Variants in GABRG3 observed in about 807,000 individuals in gnomAD.
The protein encoded by GABRG3 is gamma-aminobutyric acid receptor subunit gamma-3.
Under a neutral mutation model 48.8 loss-of-function variants are expected in GABRG3, and 25 were observed. The ratio of observed to expected loss-of-function variants is 0.51; its 90% CI spans 0.37 to 0.72. The LOEUF (loss-of-function observed/expected upper bound fraction) is 0.72, where lower values mean the gene tolerates loss of function less well. Among genes scored for constraint, GABRG3 ranks in the 30% least tolerant of loss-of-function variants. The probability of loss-of-function intolerance (pLI) is 0.00; values close to 1 mark genes in which losing one functional copy is unlikely to be tolerated. For missense variants in GABRG3, 394 were observed against 577.9 expected (o/e 0.68, Z 3.26); for synonymous variants, 227 against 217.6 (o/e 1.04, Z -0.38).
intron 2 of GABRG3, among the ~76,000 whole-genome samples, chr15:26,983,638 G>A (rs1004881375): frequency 6.6e-6 from 1 of 152,074 alleles, no homozygotes; most frequent in Admixed American, 6.6e-5. Context: ...GTCAGGTGTG[G>A]TGGCACATGC....
In GABRG3 at chr15:27,457,812, G is replaced by C. The variant is rs1338470855; in HGVS notation, c.575-22838G>C. Among the ~76,000 whole-genome samples, 1 of 152,194 alleles carries C rather than the reference G, an allele frequency of 6.6e-6. No individual in the cohort carries two copies. Among genetic ancestry groups the C allele is most frequent in the Non-Finnish European group, 1.5e-5 (1 of 68,042 alleles). ...GGGCTCTAAAGGACAGAATGTATTTGTCAAAGCACCTGTGCAGTGACTCCC... is the reference window on the plus strand; with the variant it reads ...GGGCTCTAAAGGACAGAATGTATTTCTCAAAGCACCTGTGCAGTGACTCCC... On this transcript the variant is annotated intron_variant, in intron 5 of 9. Transcript: ENST00000615808. The surrounding 1 kb of genome is among the most constrained non-coding windows in gnomAD (Gnocchi z 4.4).
At chr15:27,037,638 A>G (rs1896202199) in intron 3 of GABRG3, among the ~76,000 whole-genome samples, 1 of 152,168 alleles carries the variant, frequency 6.6e-6, no homozygotes, top group East Asian at 1.9e-4. Context: ...AGGAAAAGGA[A>G]GGTGCTTATT....
chr15:27,314,834 ATGAGT>A (rs1893156997), intron 3 of GABRG3, among the ~76,000 whole-genome samples: 1 of 152,218 alleles, frequency 6.6e-6, no homozygotes, highest in Non-Finnish European at 1.5e-5. Flanking sequence ...TTCCACTTAT[ATGAGT>A]TATTTAAAAT....
At chr15:27,022,607 T>C (rs1895915905) in intron 2 of GABRG3, among the ~76,000 whole-genome samples, 1 of 152,216 alleles carries the variant, frequency 6.6e-6, no homozygotes, top group Non-Finnish European at 1.5e-5. Flanking sequence ...CTTTTGACCA[T>C]GACAGGATTC....
chr15:27,174,893 A>G (rs1887697550), intron 3 of GABRG3, among the ~76,000 whole-genome samples: 2 of 152,158 alleles, frequency 1.3e-5, no homozygotes, highest in Non-Finnish European at 2.9e-5. Context: ...GGGGAATGGC[A>G]TTTAGAAAAT....
chr15:27,531,437 T>G (rs551875185), intron 9 of GABRG3, among the ~76,000 whole-genome samples: 1 of 152,286 alleles, frequency 6.6e-6, no homozygotes, highest in South Asian at 2.1e-4. Flanking sequence ...TGGATGAAAG[T>G]ATAAGAGGTT....
At chr15:27,314,633 G>A (rs1893149491) in intron 3 of GABRG3, among the ~76,000 whole-genome samples, 1 of 152,152 alleles carries the variant, frequency 6.6e-6, no homozygotes, top group Admixed American at 6.5e-5. Context: ...TGCACCAGTA[G>A]GAATAACCAA....
chr15:27,255,398 T>C (rs1890582289), intron 3 of GABRG3, among the ~76,000 whole-genome samples: 1 of 152,188 alleles, frequency 6.6e-6, no homozygotes, highest in Non-Finnish European at 1.5e-5. Flanking sequence ...GCCAATTCTA[T>C]AGGACCCAGA....
At chr15:27,030,090 A>G (rs1896057165) in intron 3 of GABRG3, among the ~76,000 whole-genome samples, 1 of 152,218 alleles carries the variant, frequency 6.6e-6, no homozygotes, top group Non-Finnish European at 1.5e-5. Context: ...ATAAAAAAGG[A>G]TATAAGAAAG....
At chr15:27,404,613 T>C (rs553362665) in intron 5 of GABRG3, among the ~76,000 whole-genome samples, 151 of 152,320 alleles carry the variant, frequency 9.9e-4, no homozygotes, top group Non-Finnish European at 1.9e-3. Flanking sequence ...ACAAAAATGA[T>C]GCTGACACAG....
intron 5 of GABRG3, among the ~76,000 whole-genome samples, chr15:27,367,038 C>T (rs1012590693): frequency 2.7e-4 from 41 of 152,256 alleles, no homozygotes; most frequent in African/African-American, 9.9e-4. Flanking sequence ...CCAAGGAGGC[C>T]CCAGTGTGTC....
At chr15:27,487,162 G>A (rs1022194647) in intron 6 of GABRG3, among the ~76,000 whole-genome samples, 3 of 152,170 alleles carry the variant, frequency 2.0e-5, no homozygotes, top group Non-Finnish European at 4.4e-5. Flanking sequence ...TAATTCAGAC[G>A]GGAAATGCAG....
At chr15:27,353,568 C>T (rs889982998) in intron 5 of GABRG3, among the ~76,000 whole-genome samples, 3 of 151,926 alleles carry the variant, frequency 2.0e-5, no homozygotes, top group East Asian at 1.9e-4. Context: ...CTCAGCCTCC[C>T]GAGTAGCTGA....
At chr15:27,091,827 T>C (rs1051066191) in intron 3 of GABRG3, among the ~76,000 whole-genome samples, 1 of 152,240 alleles carries the variant, frequency 6.6e-6, no homozygotes, top group Non-Finnish European at 1.5e-5. Flanking sequence ...GCTGCTGTAC[T>C]GCATCGTGGG....
intron 3 of GABRG3, among the ~76,000 whole-genome samples, chr15:27,063,269 G>A (rs534397381): frequency 6.6e-6 from 1 of 152,220 alleles, no homozygotes; most frequent in African/African-American, 2.4e-5. Flanking sequence ...ACGTTTTCAG[G>A]TGGAGATCCA....
At chr15:27,378,397 T>G (rs1005069899) in intron 5 of GABRG3, among the ~76,000 whole-genome samples, 5 of 152,172 alleles carry the variant, frequency 3.3e-5, no homozygotes, top group African/African-American at 1.2e-4. Flanking sequence ...TCTGACCCCC[T>G]CTTACTTAGA....
chr15:27,416,213 C>G (rs1175614016), intron 5 of GABRG3, among the ~76,000 whole-genome samples: 1 of 152,174 alleles, frequency 6.6e-6, no homozygotes, highest in Non-Finnish European at 1.5e-5. Flanking sequence ...AGAGAAACTG[C>G]TTTAAAATGG....
intron 3 of GABRG3, among the ~76,000 whole-genome samples, chr15:27,309,533 A>G (rs1892926225): frequency 6.6e-6 from 1 of 152,148 alleles, no homozygotes; most frequent in African/African-American, 2.4e-5. Flanking sequence ...TTCACCAAAG[A>G]GGATATAAGG....
At chr15:27,113,973 C>A (rs1345997730) in intron 3 of GABRG3, among the ~76,000 whole-genome samples, 1 of 152,210 alleles carries the variant, frequency 6.6e-6, no homozygotes, top group African/African-American at 2.4e-5. Context: ...AAATACCTTT[C>A]TAAAGGCAAG....
Sources: allele counts gnomAD v4.1 joint callset (sites outside exome capture counted in the v4.1 genomes callset), GRCh38; gene constraint gnomAD v4.1.1; non-coding constraint Gnocchi (gnomAD v3.1); transcripts MANE v1.5; gene names NCBI Gene and HGNC (gene_info 2026-07-23, HGNC 2026-07-21).